PAPPA2: variants seen among roughly 807,000 people sequenced by gnomAD.
The protein encoded by PAPPA2 is pappalysin 2.
Under a neutral mutation model 176.4 loss-of-function variants are expected in PAPPA2, and 86 were observed. The ratio of observed to expected loss-of-function variants is 0.49; its 90% confidence interval spans 0.41 to 0.58. PAPPA2 has a LOEUF of 0.58. PAPPA2 is among the 20% of genes least tolerant of loss of function. The pLI, the probability that PAPPA2 is intolerant of heterozygous loss-of-function variation, is 0.00. For missense variants in PAPPA2, 2,073 were observed against 2,256.9 expected, an observed-to-expected ratio of 0.92 and a Z score of 1.65; for synonymous variants, 809 against 852.2, an observed-to-expected ratio of 0.95 and a Z score of 0.88.
chr1:176,779,828 A>G (rs1339622842), intron 17 of PAPPA2, among the ~76,000 whole-genome samples: 2 of 152,174 alleles, frequency 1.3e-5, no homozygotes, highest in African/African-American at 4.8e-5. Flanking sequence ...CCACGCTGCT[A>G]CACATTCTTC....
intron 3 of PAPPA2, chr1:176,616,623 G>A (rs1655277725): frequency 2.5e-6 from 4 of 1,569,740 alleles, no homozygotes; most frequent in Middle Eastern, 4.2e-4. Flanking sequence ...CTCCACAAGA[G>A]TAGTGTCATA....
chr1:176,526,344 C>A (rs1466577164), intron 1 of PAPPA2, among the ~76,000 whole-genome samples: 1 of 152,204 alleles, frequency 6.6e-6, no homozygotes, highest in Non-Finnish European at 1.5e-5. Context: ...TTAGGTGTGA[C>A]CATGTGACAG....
intron 20 of PAPPA2, among the ~76,000 whole-genome samples, chr1:176,794,404 T>C (rs1665332724): frequency 6.6e-6 from 1 of 152,186 alleles, no homozygotes. Context: ...CACATAGTTC[T>C]TAATTAAATA....
chr1:176,649,254 T>C (rs1359868595), intron 3 of PAPPA2, among the ~76,000 whole-genome samples: 1 of 151,564 alleles, frequency 6.6e-6, no homozygotes, highest in African/African-American at 2.4e-5. Flanking sequence ...ATTCTTTGTA[T>C]TCTGAGGTCT....
chr1:176,708,308 G>A (rs1157502612), intron 10 of PAPPA2, among the ~76,000 whole-genome samples: 1 of 151,974 alleles, frequency 6.6e-6, no homozygotes, highest in African/African-American at 2.4e-5. Context: ...TTTTTTCAGT[G>A]AATCATAAGT....
intron 1 of PAPPA2, among the ~76,000 whole-genome samples, chr1:176,488,768 T>C (rs1220529390): frequency 2.0e-5 from 3 of 152,088 alleles, no homozygotes; most frequent in Non-Finnish European, 4.4e-5. Context: ...AAAGGTTTGG[T>C]TCCTCTCTCC....
rs1650135643 is a variant in PAPPA2, at chr1:176,537,663, CTT to C, written c.-916-17741_-916-17740del. ...GCAGTTAAGGAGCCAAGTCTTTTGA[CTT>C]TTGGCTGAAAAGAGAAAGTAAACAA... On this transcript the variant is annotated intron_variant, in intron 1 of 22. Transcript: ENST00000367662. Among the ~76,000 whole-genome samples the C allele has an allele frequency of 3.3e-5, 5 of 151,512 alleles. No individual in the cohort carries two copies. The South Asian group carries it at 1.0e-3, about 32-fold the overall frequency.
chr1:176,517,312 T>G (rs1367644181), intron 1 of PAPPA2, among the ~76,000 whole-genome samples: 3 of 152,122 alleles, frequency 2.0e-5, no homozygotes, highest in Non-Finnish European at 2.9e-5. Flanking sequence ...TTAGCTAAGA[T>G]TCCAAACAGA....
At chr1:176,744,696 G>T (rs1038293815) in intron 14 of PAPPA2, among the ~76,000 whole-genome samples, 1 of 152,166 alleles carries the variant, frequency 6.6e-6, no homozygotes, top group African/African-American at 2.4e-5. Context: ...AGGAAATGAA[G>T]AAAGAATGAT....
At chr1:176,720,315 C>T (rs1341520568) in intron 12 of PAPPA2, among the ~76,000 whole-genome samples, 5 of 152,038 alleles carry the variant, frequency 3.3e-5, no homozygotes, top group African/African-American at 1.2e-4. Flanking sequence ...TGTATTGTGT[C>T]TTCTTTCATC....
chr1:176,691,048 A>G (rs994711096), intron 5 of PAPPA2: 4 of 985,474 alleles, frequency 4.1e-6, no homozygotes, highest in Non-Finnish European at 4.8e-6. Flanking sequence ...GCCCTCGGAA[A>G]AACTTGTCAT....
intron 10 of PAPPA2, among the ~76,000 whole-genome samples, chr1:176,706,929 C>A (rs1197223492): frequency 2.0e-5 from 3 of 152,124 alleles, no homozygotes; most frequent in Non-Finnish European, 4.4e-5. Context: ...GTAATAGATT[C>A]AATCATGAAG....
intron 10 of PAPPA2, among the ~76,000 whole-genome samples, chr1:176,709,211 C>T (rs985167500): frequency 6.6e-6 from 1 of 152,098 alleles, no homozygotes; most frequent in Non-Finnish European, 1.5e-5. Context: ...AAGACAGCCC[C>T]TCTGTCTTAG....
At chr1:176,570,309 C>G (rs980136766) in intron 2 of PAPPA2, among the ~76,000 whole-genome samples, 1 of 152,126 alleles carries the variant, frequency 6.6e-6, no homozygotes, top group African/African-American at 2.4e-5. Context: ...GGGTGAAATT[C>G]TTTTAACATC....
At position 176,751,540 on chromosome 1, in the gene PAPPA2, C is replaced by A. The variant is rs1355569335; in HGVS notation, c.4151+11344C>A. On this transcript the variant is annotated intron_variant, in intron 14 of 22. Transcript: ENST00000367662. ...TCAAAAAGTGGGCGAAGGACATGAACAGACACTTCCCAAAAGAAGACATTT... is the reference window on the plus strand; with the variant it reads ...TCAAAAAGTGGGCGAAGGACATGAAAAGACACTTCCCAAAAGAAGACATTT... 5.9e-5 allele frequency among the ~76,000 whole-genome samples: 6 copies of A among 101,666 alleles called. No homozygotes were observed. The South Asian group carries it at 2.5e-3, about 42-fold the overall frequency. 66.7% of individuals were successfully genotyped at this position (101,666 alleles called of 152,430 possible). A position where few individuals can be genotyped will look rare whatever the true frequency, so the allele number is the denominator to read the frequency against.
In PAPPA2 at chr1:176,594,827, T is replaced by TG; in HGVS notation, c.1229dup (p.Asp411ArgfsTer4). 1 of 1,614,162 alleles carries TG rather than the reference T, an allele frequency of 6.2e-7. No homozygotes were observed. Among genetic ancestry groups the TG allele is most frequent in the Non-Finnish European group, 8.5e-7 (1 of 1,180,012 alleles). On this transcript the variant is annotated frameshift_variant, in exon 3 of 23. Coordinates refer to ENST00000367662, the MANE Select transcript of PAPPA2 (RefSeq NM_020318.3). LOFTEE classifies it high-confidence loss of function. ...ATGGCATCTTGCCGCTCTTTGCTCC[T>TG]GGGGGGAGACAGCTCTGAGGATGGG... is the stretch of plus-strand genomic sequence containing the variant.
At chr1:176,642,774 G>A (rs1204113645) in intron 3 of PAPPA2, among the ~76,000 whole-genome samples, 1 of 151,922 alleles carries the variant, frequency 6.6e-6, no homozygotes, top group Non-Finnish European at 1.5e-5. Context: ...TCACTGTCAA[G>A]TTTCTACTTA....
chr1:176,722,783 A>G (rs866812306), intron 12 of PAPPA2, among the ~76,000 whole-genome samples: 2 of 152,076 alleles, frequency 1.3e-5, no homozygotes, highest in South Asian at 4.1e-4. Context: ...TACTTAATTC[A>G]TGTTTTATGA....
chr1:176,671,474 A>T (rs1381724988), intron 4 of PAPPA2, among the ~76,000 whole-genome samples: 2 of 152,296 alleles, frequency 1.3e-5, no homozygotes, highest in East Asian at 3.9e-4. Context: ...GCTTTACATG[A>T]TCACTGTTCT....
Sources: gnomAD v4.1 joint callset for allele counts (sites outside exome capture counted in the v4.1 genomes callset) on GRCh38, gnomAD v4.1.1 for gene constraint, MANE v1.5 for transcripts, NCBI Gene and HGNC (gene_info 2026-07-23, HGNC 2026-07-21) for gene names.